Variants in BICRA observed in about 807,000 individuals in gnomAD.
The protein encoded by BICRA is BRD4 interacting chromatin remodeling complex associated protein, also known as BRD4-interacting chromatin-remodeling complex-associated protein.
In BICRA, 31 loss-of-function variants were observed where a neutral mutation model predicts 96.9. The observed-to-expected ratio is 0.32, with a 90% confidence interval of 0.24 to 0.43. BICRA has a LOEUF of 0.43. BICRA is among the 20% of genes least tolerant of loss of function. The probability of loss-of-function intolerance (pLI) is 1.00; values close to 1 mark genes in which losing one functional copy is unlikely to be tolerated. For missense variants in BICRA, 2,283 were observed against 2,190.3 expected (o/e 1.04, Z -0.84); for synonymous variants, 1,350 against 1,071.8 (o/e 1.26, Z -5.07).
At chr19:47,622,314 C>T (rs142445947) in intron 1 of BICRA, among the ~76,000 whole-genome samples, 3,091 of 151,810 alleles carry the variant, frequency 0.02, 48 homozygotes, top group Non-Finnish European at 0.033. Context: ...CCAGGCTAGT[C>T]TCGAACTCCT....
At chr19:47,645,925 C>T (rs1025792226) in intron 1 of BICRA, among the ~76,000 whole-genome samples, 10 of 151,970 alleles carry the variant, frequency 6.6e-5, no homozygotes, top group Non-Finnish European at 4.4e-5. Flanking sequence ...AGTGAGACCC[C>T]GCCTCTACAA....
In BICRA at chr19:47,680,582, A is replaced by G; in HGVS notation, c.1412A>G (p.Gln471Arg). The G allele has an allele frequency of 1.2e-6, 2 of 1,607,298 alleles. No homozygotes were observed. Among genetic ancestry groups the G allele is most frequent in the Non-Finnish European group, 1.7e-6 (2 of 1,177,858 alleles). ...CAGCACATGCTGCCGGGCCAGAACC[A>G]GTTCCTACTGCCTGGCGCCCCGGCG... ...PAQHMLPGQNQFLLPGAPAVQ... is the reference protein window; with the variant it reads ...PAQHMLPGQNRFLLPGAPAVQ... Residue 471 changes from glutamine (Q) to arginine (R), a missense_variant, in exon 6 of 15, where the codon CAG (glutamine) becomes CGG (arginine). By Grantham distance (43) the Gln-to-Arg change is conservative. Coordinates refer to ENST00000594866, the MANE Select transcript of BICRA (RefSeq NM_001394372.1).
rs368643674 is a variant in BICRA at position 47,699,404 on chromosome 19, G to A, written c.3594G>A (p.Pro1198=). The A allele has an allele frequency of 2.0e-6, 3 of 1,524,926 alleles. No homozygotes were observed. The highest frequency in any genetic ancestry group is 1.4e-5 in the African/African-American group (1 of 72,508). The allele number at this position is 1,524,926 out of a possible 1,614,324, so 94.5% of individuals were successfully genotyped here. ...ALDKQLAKEK[P]DEYVSSSRSL... ...ATAAACAGCTGGCCAAGGAGAAGCC[G>A]GGTGAGAGGGGGGAGTGAGAGGGGA... The change falls in exon 14 of 15, where the codon CCG becomes CCA. Residue 1198 remains proline (P), a splice_region_variant and synonymous_variant. Coordinates refer to ENST00000594866, the MANE Select transcript of BICRA (RefSeq NM_001394372.1). The surrounding 1 kb of genome is among the most constrained non-coding windows in gnomAD (Gnocchi z 5.0).
In BICRA at chr19:47,668,779, C is replaced by T. The variant is rs563768006; in HGVS notation, c.-107-1664C>T. Among the ~76,000 whole-genome samples the T allele has an allele frequency of 3.9e-5, 6 of 152,212 alleles. No homozygotes were observed. In the South Asian group the frequency reaches 6.2e-4, roughly 16 times the overall value. On this transcript the variant is annotated intron_variant, in intron 1 of 14. Coordinates refer to ENST00000594866, the MANE Select transcript of BICRA (RefSeq NM_001394372.1). ...AGTGCCAGGATACAGGCATGAGCCA[C>T]GGCGCCCGGCTGTCTTTGTGCTTCT...
At chr19:47,681,702 CAG>C in intron 6 of BICRA, among the ~76,000 whole-genome samples, 1 of 152,150 alleles carries the variant, frequency 6.6e-6, no homozygotes, top group Middle Eastern at 3.4e-3. Context: ...AGAGGAATCT[CAG>C]AGAGAAAGTG....
In BICRA at chr19:47,694,361, C is replaced by G. The variant is rs1419354704; in HGVS notation, c.2530C>G (p.Pro844Ala). Residue 844 changes from proline (P) to alanine (A), a missense_variant, in exon 8 of 15, where the codon CCC becomes GCC. Coordinates refer to ENST00000594866, the MANE Select transcript of BICRA (RefSeq NM_001394372.1). ...IFVIQNQLGV[P>A]PPASNPAPTA... is the part of the protein sequence containing the mutation. The stretch of plus-strand genomic sequence containing the variant: ...TGTCATCCAAAACCAGCTAGGCGTT[C>G]CCCCGCCTGCCAGCAACCCGGCCCC... 1.6e-6 allele frequency: 2 copies of G among 1,214,252 alleles called. No homozygotes were observed. Among genetic ancestry groups the G allele is most frequent in the African/African-American group, 1.6e-5 (1 of 62,354 alleles). 75.2% of individuals were successfully genotyped at this position (1,214,252 alleles called of 1,614,324 possible).
intron 1 of BICRA, among the ~76,000 whole-genome samples, chr19:47,668,485 G>GAC (rs1320218787): frequency 2.3e-5 from 3 of 131,558 alleles, no homozygotes; most frequent in Non-Finnish European, 4.6e-5. Flanking sequence ...ATCTTTGTGA[G>GAC]TCTTTTTTTT....
chr19:47,623,582 C>T (rs778589435), intron 1 of BICRA, among the ~76,000 whole-genome samples: 5 of 152,142 alleles, frequency 3.3e-5, no homozygotes, highest in African/African-American at 4.8e-5. Context: ...CACAAATAGC[C>T]GGTGCTGTGC....
intron 1 of BICRA, among the ~76,000 whole-genome samples, chr19:47,629,455 C>T (rs1239553148): frequency 6.6e-6 from 1 of 152,174 alleles, no homozygotes; most frequent in Admixed American, 6.6e-5. Context: ...GCTTATTTCA[C>T]TTATTGTATT....
intron 11 of BICRA, among the ~76,000 whole-genome samples, chr19:47,696,931 G>A (rs978597016): frequency 8.6e-5 from 13 of 151,944 alleles, no homozygotes; most frequent in African/African-American, 2.7e-4. Flanking sequence ...GAGTCTGGGC[G>A]GATGGATGGG....
intron 10 of BICRA, among the ~76,000 whole-genome samples, 160 bp downstream of exon 10, chr19:47,695,634 A>G (rs1351343628): frequency 2.0e-5 from 3 of 152,148 alleles, no homozygotes; most frequent in Non-Finnish European, 4.4e-5. Context: ...AGGGACAGGA[A>G]GGGCAGAATG....
At chr19:47,678,502 T>C (rs1972974278) in intron 5 of BICRA, among the ~76,000 whole-genome samples, 1 of 152,166 alleles carries the variant, frequency 6.6e-6, no homozygotes, top group Non-Finnish European at 1.5e-5. Flanking sequence ...GGGCGTGCGA[T>C]GCAGGATCAC....
intron 1 of BICRA, among the ~76,000 whole-genome samples, chr19:47,623,874 C>G (rs1184899162): frequency 6.7e-6 from 1 of 149,636 alleles, no homozygotes; most frequent in South Asian, 2.1e-4. Context: ...AGACTGAGAC[C>G]GAGTTTAGTT....
intron 1 of BICRA, among the ~76,000 whole-genome samples, chr19:47,665,235 G>C (rs188930320): frequency 1.2e-3 from 176 of 152,272 alleles, no homozygotes; most frequent in Non-Finnish European, 3.8e-4. Context: ...GTACATTTCA[G>C]CAGGTTGCCT....
chr19:47,633,268 C>T (rs942773520), intron 1 of BICRA, among the ~76,000 whole-genome samples: 5 of 151,630 alleles, frequency 3.3e-5, no homozygotes, highest in African/African-American at 7.3e-5. Context: ...TTAGTAGAGA[C>T]GGGGTTTCAC....
chr19:47,676,133 T>C (rs1470714600), intron 5 of BICRA, among the ~76,000 whole-genome samples: 1 of 152,112 alleles, frequency 6.6e-6, no homozygotes, highest in African/African-American at 2.4e-5. Context: ...CAAGGCTGAC[T>C]GTGCCTTGCA....
At chr19:47,619,204 A>ATG (rs1568546471) in intron 1 of BICRA, among the ~76,000 whole-genome samples, 1 of 144,550 alleles carries the variant, frequency 6.9e-6, no homozygotes, top group Non-Finnish European at 1.5e-5. Context: ...ATATATACAT[A>ATG]TATATATACA....
chr19:47,618,202 G>A (rs1014713261), intron 1 of BICRA, among the ~76,000 whole-genome samples: 5 of 152,160 alleles, frequency 3.3e-5, no homozygotes, highest in African/African-American at 1.2e-4. Context: ...CATAAAGGAA[G>A]AGTTGAAGTG....
At chr19:47,615,372 G>A (rs1478002160) in intron 1 of BICRA, among the ~76,000 whole-genome samples, 3 of 152,194 alleles carry the variant, frequency 2.0e-5, no homozygotes, top group Admixed American at 6.5e-5. Context: ...CAGGCTGCAC[G>A]TGTCTTTGCC....
Sources: allele counts gnomAD v4.1 joint callset (sites outside exome capture counted in the v4.1 genomes callset), GRCh38; gene constraint gnomAD v4.1.1; non-coding constraint Gnocchi (gnomAD v3.1); transcripts MANE v1.5; gene names NCBI Gene and HGNC (gene_info 2026-07-23, HGNC 2026-07-21).